PKNOX1: variants seen among roughly 807,000 people sequenced by gnomAD.
PKNOX1 encodes the protein PBX/knotted 1 homeobox 1.
In PKNOX1, 15 loss-of-function variants were observed where a neutral mutation model predicts 51.9. The ratio of observed to expected loss-of-function variants is 0.29; its 90% confidence interval spans 0.19 to 0.45. The LOEUF (loss-of-function observed/expected upper bound fraction) is 0.45, where lower values mean the gene tolerates loss of function less well. PKNOX1 is among the 20% of genes least tolerant of loss of function. The pLI is 1.00. For missense variants in PKNOX1, 462 were observed against 547.5 expected (o/e 0.84, Z 1.56); for synonymous variants, 219 against 211.1 (o/e 1.04, Z -0.32).
At chr21:43,016,869 T>C in intron 5 of PKNOX1, 39 bp from the exon 6 acceptor site, 1 of 1,363,018 alleles carries the variant, frequency 7.3e-7, no homozygotes. Context: ...GTTTTCCGTT[T>C]TCTAGTAATT....
At chr21:43,010,505 G>T (rs1217924942) in intron 4 of PKNOX1, among the ~76,000 whole-genome samples, 1 of 151,934 alleles carries the variant, frequency 6.6e-6, no homozygotes, top group Admixed American at 6.6e-5. Flanking sequence ...CTGGCCTCAA[G>T]CAATCTTCCC....
chr21:43,009,411 C>A (rs947976908), intron 3 of PKNOX1, among the ~76,000 whole-genome samples: 25 of 151,972 alleles, frequency 1.6e-4, no homozygotes, highest in Non-Finnish European at 2.9e-4. Flanking sequence ...CGCCATTGCA[C>A]TCCAGCCTGG....
At position 43,028,843 on chromosome 21, in the gene PKNOX1, G is replaced by A. The variant is rs1372899321; in HGVS notation, c.1068G>A (p.Gln356=). The A allele has an allele frequency of 6.2e-7, 1 of 1,614,188 alleles. No homozygotes were observed. Among genetic ancestry groups the A allele is most frequent in the Non-Finnish European group, 8.5e-7 (1 of 1,180,034 alleles). Residue 356 remains glutamine, a synonymous_variant, in exon 10 of 11, where the codon CAG becomes CAA. Transcript: ENST00000291547. ...WPDSIASGVA[Q]PPPSELTMSE... ...ATTCTATTGCATCAGGAGTCGCACA[G>A]CCACCGCCGAGCGAGCTCACCATGT...
At chr21:42,994,868 A>G (rs1340525260) in intron 1 of PKNOX1, among the ~76,000 whole-genome samples, 1 of 149,860 alleles carries the variant, frequency 6.7e-6, no homozygotes, top group Non-Finnish European at 1.5e-5. Flanking sequence ...TGAAACCAAG[A>G]TCACATACCA....
intron 1 of PKNOX1, among the ~76,000 whole-genome samples, chr21:42,975,605 C>G (rs889880039): frequency 6.6e-6 from 1 of 152,224 alleles, no homozygotes; most frequent in Non-Finnish European, 1.5e-5. Context: ...CTTATTTGGA[C>G]AGTGGCTCTG....
intron 7 of PKNOX1, among the ~76,000 whole-genome samples, chr21:43,019,256 C>G (rs1010856607): frequency 1.4e-5 from 2 of 142,732 alleles, no homozygotes; most frequent in African/African-American, 5.2e-5. Context: ...AGCTGGATGT[C>G]GGGTGCATGT....
intron 1 of PKNOX1, among the ~76,000 whole-genome samples, chr21:42,980,578 T>G (rs1043976385): frequency 2.6e-5 from 4 of 152,184 alleles, no homozygotes; most frequent in Admixed American, 1.3e-4. Flanking sequence ...TTTTCACGTT[T>G]GCTTGGCCTC....
At chr21:42,998,873 G>C (rs1030740234) in intron 1 of PKNOX1, among the ~76,000 whole-genome samples, 7 of 152,178 alleles carry the variant, frequency 4.6e-5, no homozygotes, top group African/African-American at 1.7e-4. Flanking sequence ...GCTTTTCCAG[G>C]TGCATGGTGC....
intron 1 of PKNOX1, among the ~76,000 whole-genome samples, chr21:42,975,776 C>T (rs902244836): frequency 4.6e-5 from 7 of 152,256 alleles, no homozygotes; most frequent in African/African-American, 1.4e-4. Context: ...GTGTGGGGTT[C>T]TCTTCCAACT....
rs1042795089 is a variant in PKNOX1 at position 43,004,067 on chromosome 21, G to A, written c.-56-259G>A. The A allele has an allele frequency of 6.1e-5, 13 of 211,584 alleles. No individual in the cohort carries two copies. In the East Asian group the frequency reaches 8.0e-4, roughly 13 times the overall value. The allele number at this position is 211,584 out of a possible 1,614,324, so 13.1% of individuals were successfully genotyped here. ...AGCCTGACCAACATGGAGAAACCCC[G>A]TCTCTACTAAAAACACAAAATTATC... On this transcript the variant is annotated intron_variant, in intron 1 of 10. Transcript: ENST00000291547.
At chr21:42,982,542 C>T (rs552719482) in intron 1 of PKNOX1, among the ~76,000 whole-genome samples, 1 of 151,968 alleles carries the variant, frequency 6.6e-6, no homozygotes, top group South Asian at 2.1e-4. Flanking sequence ...CCAGCCTGAA[C>T]AACATGGAGA....
At chr21:42,981,623 G>A (rs778206301) in intron 1 of PKNOX1, among the ~76,000 whole-genome samples, 3 of 152,032 alleles carry the variant, frequency 2.0e-5, no homozygotes, top group East Asian at 1.9e-4. Flanking sequence ...GCAGTGGCAC[G>A]ATCTCGGCCC....
chr21:43,002,643 C>T (rs1051837861), intron 1 of PKNOX1, among the ~76,000 whole-genome samples: 1 of 152,180 alleles, frequency 6.6e-6, no homozygotes, highest in African/African-American at 2.4e-5. Context: ...TAAGATGGCT[C>T]AATGTGCTCA....
At position 42,974,582 on chromosome 21, in the gene PKNOX1, G is replaced by T; in HGVS notation, c.-139G>T. The T allele has an allele frequency of 6.6e-6, 1 of 152,414 alleles. No individual in the cohort carries two copies. The highest frequency in any genetic ancestry group is 1.8e-4 in the South Asian group (1 of 5,618). 9.4% of individuals were successfully genotyped at this position (152,414 alleles called of 1,614,324 possible). A position where few individuals can be genotyped will look rare whatever the true frequency, so the allele number is the denominator to read the frequency against. On this transcript the variant is annotated 5_prime_UTR_variant, in exon 1 of 11. Coordinates refer to ENST00000291547, the MANE Select transcript of PKNOX1 (RefSeq NM_004571.5). ...AGGCTGTGTCGCGTGGCCCAGCGTC[G>T]GCGTGACGGTTGGACGCGGGCGCGG...
At position 43,029,989 on chromosome 21, in the gene PKNOX1, T is replaced by A. The variant is rs771070908; in HGVS notation, c.1199T>A (p.Met400Lys). 1 of 1,614,084 alleles carries A rather than the reference T, an allele frequency of 6.2e-7. No homozygotes were observed. The highest frequency in any genetic ancestry group is 2.2e-5 in the East Asian group (1 of 44,874). ...GATLAVQQVM[M>K]AGQSEDESVD... ...ACCCTGGCGGTGCAGCAGGTCATGATGGCAGGGCAGAGCGAGGACGAGTCT... is the reference window on the plus strand; with the variant it reads ...ACCCTGGCGGTGCAGCAGGTCATGAAGGCAGGGCAGAGCGAGGACGAGTCT... Residue 400 changes from methionine (M) to lysine (K), a missense_variant, in exon 11 of 11, where the codon ATG becomes AAG. Around this residue, in one of 5 missense-constraint regions of PKNOX1, gnomAD observed 118 missense variants for 116.8 expected, o/e 1.01. Transcript: ENST00000291547.
chr21:42,986,719 C>T (rs753889556), intron 1 of PKNOX1, among the ~76,000 whole-genome samples: 57 of 152,206 alleles, frequency 3.7e-4, no homozygotes, highest in Middle Eastern at 3.4e-3. Flanking sequence ...TAAAAGGTGT[C>T]CTGGAGAAGG....
At chr21:43,015,201 T>C (rs1979437728) in intron 5 of PKNOX1, among the ~76,000 whole-genome samples, 1 of 152,276 alleles carries the variant, frequency 6.6e-6, no homozygotes, top group South Asian at 2.1e-4. Flanking sequence ...AGTCGCTCAC[T>C]GTCGATGATG....
At chr21:43,025,676 T>A (rs752263875) in intron 9 of PKNOX1, among the ~76,000 whole-genome samples, 27 of 152,172 alleles carry the variant, frequency 1.8e-4, no homozygotes, top group Non-Finnish European at 2.8e-4. Flanking sequence ...TCACATTTTT[T>A]AAATTTACTT....
rs562217020 is a variant in PKNOX1, at chr21:43,028,009, G to A, written c.927-693G>A. Among the ~76,000 whole-genome samples the A allele has an allele frequency of 2.7e-3, 415 of 152,354 alleles. 1 individual carries two copies. The highest frequency in any genetic ancestry group is 4.6e-3 in the Non-Finnish European group (312 of 68,028). Reference sequence around the variant, plus strand: ...AGTCTTATCACAGGCGTGAGTGCCTGGTCTGACAGAGTCGCCAGCGTCTGT... The same window carrying A: ...AGTCTTATCACAGGCGTGAGTGCCTAGTCTGACAGAGTCGCCAGCGTCTGT... On this transcript the variant is annotated intron_variant, in intron 9 of 10. Transcript: ENST00000291547.
Sources: allele counts gnomAD v4.1 joint callset (sites outside exome capture counted in the v4.1 genomes callset), GRCh38; gene constraint gnomAD v4.1.1; regional missense constraint gnomAD v4.1.1; transcripts MANE v1.5; gene names NCBI Gene and HGNC (gene_info 2026-07-23, HGNC 2026-07-21).